LRP1B: variants seen among roughly 807,000 people sequenced by gnomAD.
The protein encoded by LRP1B is low-density lipoprotein receptor-related protein 1B.
LRP1B carries 217 observed loss-of-function variants against 556.6 expected under a neutral mutation model. The observed-to-expected ratio is 0.39, with a 90% CI of 0.35 to 0.44. LRP1B has a LOEUF of 0.44. Ranked by LOEUF, LRP1B falls within the 20% of genes least tolerant of loss-of-function variation. LRP1B has a pLI of 1.00. For missense variants in LRP1B, 5,053 were observed against 5,620.8 expected, an observed-to-expected ratio of 0.90 and a Z score of 3.23; for synonymous variants, 2,047 against 1,865.8, an observed-to-expected ratio of 1.10 and a Z score of -2.50.
chr2:141,926,768 T>G (rs2104985523), intron 1 of LRP1B, among the ~76,000 whole-genome samples: 1 of 152,280 alleles, frequency 6.6e-6, no homozygotes, highest in Middle Eastern at 3.4e-3. Context: ...TAATTTCATC[T>G]CCTTTTGCTA....
At chr2:141,850,026 T>C (rs1223720093) in intron 1 of LRP1B, among the ~76,000 whole-genome samples, 1 of 151,716 alleles carries the variant, frequency 6.6e-6, no homozygotes, top group African/African-American at 2.4e-5. Flanking sequence ...GCATTCCCAA[T>C]AGCAAAAACC....
intron 84 of LRP1B, among the ~76,000 whole-genome samples, chr2:140,295,602 G>C (rs28571172): frequency 0.043 from 6,533 of 152,194 alleles, 246 homozygotes; most frequent in African/African-American, 0.11. Context: ...AGCTAAATTG[G>C]CTGGTTTGAA....
chr2:140,500,644 T>C (rs1689144732), intron 55 of LRP1B, among the ~76,000 whole-genome samples: 1 of 151,970 alleles, frequency 6.6e-6, no homozygotes, highest in Non-Finnish European at 1.5e-5. Context: ...ATGTTCCCTA[T>C]TAGAATCCTT....
At chr2:140,517,257 A>T (rs1689946552) in intron 49 of LRP1B, among the ~76,000 whole-genome samples, 1 of 152,162 alleles carries the variant, frequency 6.6e-6, no homozygotes, top group South Asian at 2.1e-4. Flanking sequence ...GAACAGAAAG[A>T]TTATAGTAAT....
chr2:142,098,653 TAATAA>T (rs1193137109), intron 1 of LRP1B, among the ~76,000 whole-genome samples: 12 of 151,744 alleles, frequency 7.9e-5, no homozygotes, highest in African/African-American at 2.7e-4. Context: ...GAAACAAAGG[TAATAA>T]AATAAATGAA....
chr2:141,465,543 C>CTTTTTTTTTTT (rs71391652), intron 3 of LRP1B, among the ~76,000 whole-genome samples: 1 of 117,314 alleles, frequency 8.5e-6, no homozygotes, highest in Non-Finnish European at 1.9e-5. Flanking sequence ...CACAGCATGA[C>CTTTTTTTTTTT]TTTTTTTTTT....
chr2:140,669,459 GT>G (rs556660703), intron 41 of LRP1B, among the ~76,000 whole-genome samples: 56 of 152,140 alleles, frequency 3.7e-4, no homozygotes, highest in Admixed American at 1.4e-3. Context: ...AACTAGAAGA[GT>G]TTTAAAAAGG....
chr2:140,374,608 A>G (rs1216926596), intron 68 of LRP1B, among the ~76,000 whole-genome samples: 1 of 152,190 alleles, frequency 6.6e-6, no homozygotes, highest in African/African-American at 2.4e-5. Context: ...TCTCCATACT[A>G]TTAGTGCCGG....
intron 1 of LRP1B, among the ~76,000 whole-genome samples, chr2:141,852,062 C>A (rs1697881304): frequency 1.3e-5 from 2 of 151,638 alleles, no homozygotes; most frequent in Non-Finnish European, 3.0e-5. Context: ...TAATTTTTAT[C>A]CCCCTACTAT....
intron 66 of LRP1B, among the ~76,000 whole-genome samples, chr2:140,425,406 TC>T (rs1395677096): frequency 6.6e-6 from 1 of 151,702 alleles, no homozygotes; most frequent in African/African-American, 2.4e-5. Flanking sequence ...CCCACTTTCT[TC>T]CCCCAGCCCC....
At chr2:141,322,695 C>T (rs1048458998) in intron 3 of LRP1B, among the ~76,000 whole-genome samples, 4 of 151,998 alleles carry the variant, frequency 2.6e-5, no homozygotes, top group African/African-American at 4.8e-5. Context: ...TTTCTGCCCA[C>T]GATCTGGGTA....
chr2:140,775,466 GATT>G (rs1379229326), intron 33 of LRP1B, among the ~76,000 whole-genome samples: 1 of 88,954 alleles, frequency 1.1e-5, no homozygotes, highest in African/African-American at 3.8e-5. Flanking sequence ...TTTTTTGGTT[GATT>G]TTTTTTTTTT....
chr2:140,956,638 G>A (rs192507845), intron 18 of LRP1B, among the ~76,000 whole-genome samples: 443 of 151,880 alleles, frequency 2.9e-3, no homozygotes, highest in Admixed American at 5.3e-3. Context: ...TAGAGTAAAT[G>A]CATTTTGGAG....
intron 31 of LRP1B, among the ~76,000 whole-genome samples, chr2:140,835,793 C>A (rs1221925963): frequency 6.6e-6 from 1 of 152,204 alleles, no homozygotes; most frequent in East Asian, 1.9e-4. Flanking sequence ...CCTGCCTCAG[C>A]CTCCCAAAAT....
At chr2:140,911,004 G>A (rs1435302963) in intron 21 of LRP1B, among the ~76,000 whole-genome samples, 3 of 151,750 alleles carry the variant, frequency 2.0e-5, no homozygotes, top group Non-Finnish European at 3.0e-5. Flanking sequence ...ATTAGGGAAA[G>A]GAAAGTAACA....
chr2:140,746,279 T>C (rs1025451053), intron 35 of LRP1B, among the ~76,000 whole-genome samples: 3 of 152,168 alleles, frequency 2.0e-5, no homozygotes, highest in East Asian at 1.9e-4. Context: ...TTTACAGTTA[T>C]AGAGTTGGCA....
intron 43 of LRP1B, among the ~76,000 whole-genome samples, chr2:140,567,471 G>A (rs772671961): frequency 5.1e-4 from 77 of 152,104 alleles, no homozygotes; most frequent in Admixed American, 1.3e-3. Context: ...AGTTTGGCCC[G>A]TGTTGTGCCC....
At chr2:140,352,884 A>T in intron 76 of LRP1B, 69 bp downstream of exon 76, 1 of 1,462,298 alleles carries the variant, frequency 6.8e-7, no homozygotes, top group African/African-American at 1.4e-5. Flanking sequence ...TGAAATATAA[A>T]ACATTTTTCT....
At chr2:140,755,051 A>G (rs1167643299) in intron 35 of LRP1B, among the ~76,000 whole-genome samples, 1 of 133,496 alleles carries the variant, frequency 7.5e-6, no homozygotes, top group Non-Finnish European at 1.6e-5. Context: ...ATGAATAACT[A>G]TATGCAAAAA....
Sources: gnomAD v4.1 joint callset for allele counts (sites outside exome capture counted in the v4.1 genomes callset) on GRCh38, gnomAD v4.1.1 for gene constraint, MANE v1.5 for transcripts, NCBI Gene and HGNC (gene_info 2026-07-23, HGNC 2026-07-21) for gene names.